EDA: variants seen among roughly 807,000 people sequenced by gnomAD.
EDA encodes the protein ectodysplasin A.
Under a neutral mutation model 23.6 loss-of-function variants are expected in EDA, and 2 were observed. That is an observed-to-expected ratio of 0.08 (90% CI 0.03 to 0.27). The LOEUF is 0.27. Among genes scored for constraint, EDA ranks in the 10% least tolerant of loss-of-function variants. EDA has a pLI of 1.00. For synonymous variants in EDA, 131 were observed against 132.0 expected (o/e 0.99, Z 0.05); for missense variants, 229 against 324.2 (o/e 0.71, Z 2.26).
rs923510204 is a variant in EDA, at chrX:70,033,657, G to A, written c.924+129G>A. ...CTTCCTGCTTTGGGTGAGGGGGTGG[G>A]GGGACCGCACTGGGAGGGAGTTGAA... On this transcript the variant is annotated intron_variant, in intron 7 of 7. Coordinates refer to ENST00000374552, the MANE Select transcript of EDA (RefSeq NM_001399.5). 8 of 787,462 alleles carry A rather than the reference G, an allele frequency of 1.0e-5. No individual in the cohort carries two copies. The African/African-American group carries it at 1.6e-4, about 16-fold the overall frequency. The allele number at this position is 787,462 out of a possible 1,213,427, so 64.9% of individuals were successfully genotyped here.
At chrX:69,836,966 C>T (rs1425921374) in intron 1 of EDA, among the ~76,000 whole-genome samples, 2 of 112,137 alleles carry the variant, frequency 1.8e-5, no homozygotes, top group Admixed American at 1.9e-4. Flanking sequence ...TTTTAGAATG[C>T]TCTTCAAAAT....
intron 1 of EDA, among the ~76,000 whole-genome samples, chrX:69,916,344 T>A (rs2018341959): frequency 9.1e-6 from 1 of 110,023 alleles, no homozygotes; most frequent in Non-Finnish European, 1.9e-5. Context: ...CCAAAGAAAT[T>A]TTCTATTTTG....
chrX:69,899,977 C>T (rs1252800318), intron 1 of EDA, among the ~76,000 whole-genome samples: 2 of 111,085 alleles, frequency 1.8e-5, no homozygotes, highest in African/African-American at 6.5e-5. Context: ...TGACCTTAGA[C>T]AAATTATTAA....
At chrX:69,970,893 G>A (rs1190099241) in intron 2 of EDA, among the ~76,000 whole-genome samples, 2 of 111,563 alleles carry the variant, frequency 1.8e-5, no homozygotes, top group Non-Finnish European at 3.8e-5. Context: ...GGACTATATA[G>A]CATTGTAATT....
intron 1 of EDA, among the ~76,000 whole-genome samples, chrX:69,891,731 G>T (rs771130529): frequency 1.0e-5 from 1 of 97,253 alleles, no homozygotes; most frequent in Non-Finnish European, 2.0e-5. Context: ...ATGGACACAT[G>T]GGGGGAAGAA....
intron 1 of EDA, among the ~76,000 whole-genome samples, chrX:69,842,141 A>G (rs1173720312): frequency 2.7e-5 from 3 of 111,743 alleles, no homozygotes; most frequent in African/African-American, 6.5e-5. Flanking sequence ...CACTTGCATT[A>G]TCACCTAAGT....
Position 69,783,357 on chromosome X carries a change from T to A in EDA, c.396+166653T>A, listed in dbSNP as rs2015019213. 2.7e-5 allele frequency among the ~76,000 whole-genome samples: 3 copies of A among 110,200 alleles called. No homozygotes were observed. The Admixed American group carries it at 2.9e-4, about 11-fold the overall frequency. ...AATGTGCAGGTTAGTTACATATGTA[T>A]ACATGTGCCATGCTGGTGCGCTGCA... On this transcript the variant is annotated intron_variant, in intron 1 of 7. Transcript: ENST00000374552.
rs2017374584 is a variant in EDA at position 69,861,040 on chromosome X, A to ATACC, written c.397-95987_397-95986insTACC. On this transcript the variant is annotated intron_variant, in intron 1 of 7. Coordinates refer to ENST00000374552, the MANE Select transcript of EDA (RefSeq NM_001399.5). ...TATATCCACTGAAACCACTAAGTGA[A>ATACC]ATAAAGATGTGTTTAGGCAAAGAAC... 1.2e-5 allele frequency: 6 copies of ATACC among 484,292 alleles called. No individual in the cohort carries two copies. In the Admixed American group the frequency reaches 1.4e-4, roughly 11 times the overall value. The allele number at this position is 484,292 out of a possible 1,213,427, so 39.9% of individuals were successfully genotyped here.
chrX:69,666,698 A>C (rs1933695546), intron 1 of EDA, among the ~76,000 whole-genome samples: 1 of 112,020 alleles, frequency 8.9e-6, no homozygotes, highest in South Asian at 3.7e-4. Context: ...TTTGTTTCCT[A>C]ATATTTTATT....
intron 2 of EDA, among the ~76,000 whole-genome samples, chrX:69,981,281 C>T (rs1403962424): frequency 1.8e-5 from 2 of 111,463 alleles, no homozygotes; most frequent in African/African-American, 6.5e-5. Flanking sequence ...ACTATTTCTA[C>T]ACTCCTGTAC....
chrX:69,750,797 G>C (rs1292476860), intron 1 of EDA, among the ~76,000 whole-genome samples: 1 of 112,043 alleles, frequency 8.9e-6, no homozygotes, highest in Non-Finnish European at 1.9e-5. Context: ...TTTTTCATGT[G>C]TCTGTGGGCT....
At chrX:69,754,753 C>G (rs2804379) in intron 1 of EDA, among the ~76,000 whole-genome samples, 37,121 of 110,239 alleles carry the variant, frequency 0.34, 5,236 homozygotes, top group Middle Eastern at 0.57. Flanking sequence ...TGGAGACTTT[C>G]TTTCTTTTTA....
At chrX:69,940,759 TCAAA>T (rs1285840621) in intron 1 of EDA, among the ~76,000 whole-genome samples, 2 of 111,778 alleles carry the variant, frequency 1.8e-5, no homozygotes, top group Admixed American at 1.9e-4. Context: ...ATCCATTTCC[TCAAA>T]CATTTATCCC....
At chrX:69,783,878 C>A (rs1333951907) in intron 1 of EDA, among the ~76,000 whole-genome samples, 1 of 103,279 alleles carries the variant, frequency 9.7e-6, no homozygotes, top group African/African-American at 3.4e-5. Flanking sequence ...CTGACTTCCA[C>A]AATGGTTGAA....
At chrX:69,632,513 C>T (rs1250827098) in intron 1 of EDA, among the ~76,000 whole-genome samples, 1 of 112,253 alleles carries the variant, frequency 8.9e-6, no homozygotes, top group East Asian at 2.8e-4. Flanking sequence ...CTGCTGGATA[C>T]TTAGTTACCT....
At chrX:69,916,097 C>G (rs2018338429) in intron 1 of EDA, among the ~76,000 whole-genome samples, 1 of 111,777 alleles carries the variant, frequency 8.9e-6, no homozygotes, top group South Asian at 3.8e-4. Context: ...GTTTTATACT[C>G]TCTCGACCCC....
intron 5 of EDA, 34 bp from the exon 6 acceptor site, chrX:70,030,435 T>C (rs949083034): frequency 8.5e-7 from 1 of 1,170,087 alleles, no homozygotes; most frequent in Admixed American, 2.2e-5. Context: ...CCATTACTCA[T>C]AGTGACTACT....
rs753188276 is a variant in EDA at position 69,867,697 on chromosome X, G to A, written c.397-89330G>A. 2.7e-5 allele frequency among the ~76,000 whole-genome samples: 3 copies of A among 112,140 alleles called. No individual in the cohort carries two copies. In the East Asian group the frequency reaches 8.5e-4, roughly 32 times the overall value. ...ATCATGCAGAACCATCTGTGAACAG[G>A]CTGTAATCTTCTCTTCCTCTGTCAA... On this transcript the variant is annotated intron_variant, in intron 1 of 7. Transcript: ENST00000374552.
At chrX:69,743,027 T>C (rs1215623956) in intron 1 of EDA, 2 of 111,356 alleles carry the variant, frequency 1.8e-5, no homozygotes, top group African/African-American at 3.3e-5. Context: ...ACTTGAGATT[T>C]GAATTCTGGC....
Sources: gnomAD v4.1 joint callset for allele counts (sites outside exome capture counted in the v4.1 genomes callset) on GRCh38, gnomAD v4.1.1 for gene constraint, MANE v1.5 for transcripts, NCBI Gene and HGNC (gene_info 2026-07-23, HGNC 2026-07-21) for gene names.